Variants in SEMA5A observed in about 807,000 individuals in gnomAD.
SEMA5A encodes the protein semaphorin-5A.
SEMA5A carries 55 observed loss-of-function variants against 135.5 expected under a neutral mutation model. The observed-to-expected ratio is 0.41, with a 90% CI of 0.33 to 0.51. The LOEUF is 0.51. Ranked by LOEUF, SEMA5A falls within the 20% of genes least tolerant of loss-of-function variation. SEMA5A has a pLI of 0.37. For synonymous variants in SEMA5A, 580 were observed against 546.5 expected (o/e 1.06, Z -0.85); for missense variants, 1,290 against 1,419.9 (o/e 0.91, Z 1.47).
chr5:9,272,287 T>C (rs929969548), intron 5 of SEMA5A, among the ~76,000 whole-genome samples: 1 of 152,006 alleles, frequency 6.6e-6, no homozygotes, highest in Non-Finnish European at 1.5e-5. Context: ...CCACCGCAGC[T>C]CAGCAAGGCC....
At chr5:9,215,284 G>T (rs1273213108) in intron 8 of SEMA5A, among the ~76,000 whole-genome samples, 1 of 152,202 alleles carries the variant, frequency 6.6e-6, no homozygotes, top group Admixed American at 6.5e-5. Context: ...GTAAGGCGTT[G>T]TGACTTCAGA....
At chr5:9,297,451 G>A (rs973832425) in intron 5 of SEMA5A, among the ~76,000 whole-genome samples, 1 of 152,112 alleles carries the variant, frequency 6.6e-6, no homozygotes. Context: ...TCAGTCAGTC[G>A]CCACTTCCAC....
chr5:9,402,468 TTC>T (rs1474211072), intron 2 of SEMA5A, among the ~76,000 whole-genome samples: 1 of 152,216 alleles, frequency 6.6e-6, no homozygotes, highest in Non-Finnish European at 1.5e-5. Context: ...TCTTCGGTAA[TTC>T]TCTTTTTTCT....
At chr5:9,109,028 A>ATTTTTTTTTTTTTTTTTT (rs67762219) in intron 15 of SEMA5A, among the ~76,000 whole-genome samples, 8 of 92,444 alleles carry the variant, frequency 8.7e-5, no homozygotes, top group South Asian at 4.4e-4. Context: ...TTTCTCTTCA[A>ATTTTTTTTTTTTTTTTTT]TTTTTTTTTT....
chr5:9,190,852 A>G (rs1745071373), intron 10 of SEMA5A, among the ~76,000 whole-genome samples: 1 of 152,212 alleles, frequency 6.6e-6, no homozygotes, highest in African/African-American at 2.4e-5. Flanking sequence ...TAGGTAGCAA[A>G]TTGAAAATGC....
chr5:9,102,017 A>G (rs1451828664), intron 16 of SEMA5A, among the ~76,000 whole-genome samples: 1 of 152,232 alleles, frequency 6.6e-6, no homozygotes, highest in Non-Finnish European at 1.5e-5. Flanking sequence ...GTGAATAAGA[A>G]GAAAACTTTT....
intron 10 of SEMA5A, among the ~76,000 whole-genome samples, chr5:9,192,987 T>A (rs1428649260): frequency 6.6e-6 from 1 of 151,878 alleles, no homozygotes; most frequent in Non-Finnish European, 1.5e-5. Context: ...GTGGCAGGGG[T>A]GAGGCAGGAT....
chr5:9,130,562 C>T (rs1286959327), intron 13 of SEMA5A, among the ~76,000 whole-genome samples: 2 of 152,186 alleles, frequency 1.3e-5, no homozygotes. Flanking sequence ...CTGAGCCCCA[C>T]CTCTTCCATT....
intron 6 of SEMA5A, among the ~76,000 whole-genome samples, chr5:9,230,709 C>T (rs1199895925): frequency 3.3e-5 from 5 of 152,042 alleles, no homozygotes; most frequent in African/African-American, 7.2e-5. Flanking sequence ...AGGGTGGCCC[C>T]AGCCCTATGG....
At chr5:9,078,225 G>A (rs1738176054) in intron 16 of SEMA5A, among the ~76,000 whole-genome samples, 1 of 152,108 alleles carries the variant, frequency 6.6e-6, no homozygotes, top group African/African-American at 2.4e-5. Flanking sequence ...CTGTCCTTTG[G>A]GAAACGTTTC....
intron 5 of SEMA5A, 136 bp downstream of exon 5, chr5:9,318,236 G>T (rs1050558260): frequency 1.4e-4 from 94 of 694,672 alleles, no homozygotes; most frequent in African/African-American, 1.8e-5. Flanking sequence ...CCTTAGTCCC[G>T]TGGCCTGACC....
At chr5:9,048,518 C>T (rs1026084958) in intron 21 of SEMA5A, among the ~76,000 whole-genome samples, 9 of 152,018 alleles carry the variant, frequency 5.9e-5, no homozygotes, top group Non-Finnish European at 1.2e-4. Context: ...AGCATCTTCA[C>T]TTTTTTCAAC....
chr5:9,044,038 C>T (rs1331766860), intron 22 of SEMA5A, among the ~76,000 whole-genome samples: 1 of 152,126 alleles, frequency 6.6e-6, no homozygotes, highest in Admixed American at 6.5e-5. Flanking sequence ...GTGCTTCATT[C>T]CCCAGATCTA....
chr5:9,392,957 T>C (rs1017061837), intron 2 of SEMA5A, among the ~76,000 whole-genome samples: 10 of 152,232 alleles, frequency 6.6e-5, no homozygotes, highest in African/African-American at 2.2e-4. Context: ...GTCAGCCTAT[T>C]AGGTGAAACT....
At chr5:9,085,941 C>G (rs1460879509) in intron 16 of SEMA5A, among the ~76,000 whole-genome samples, 2 of 152,160 alleles carry the variant, frequency 1.3e-5, no homozygotes, top group East Asian at 3.9e-4. Flanking sequence ...ATCAGTGTGA[C>G]CTGGATGTGA....
intron 3 of SEMA5A, among the ~76,000 whole-genome samples, chr5:9,375,144 C>T (rs529004853): frequency 2.6e-5 from 4 of 152,104 alleles, no homozygotes; most frequent in Non-Finnish European, 5.9e-5. Flanking sequence ...CACATATCAC[C>T]ATCTGGTTTC....
intron 16 of SEMA5A, among the ~76,000 whole-genome samples, chr5:9,097,443 A>G (rs759024302): frequency 1.3e-5 from 2 of 152,230 alleles, no homozygotes; most frequent in Non-Finnish European, 2.9e-5. Context: ...AGCATAGTCA[A>G]TTAAGGAGAT....
chr5:9,319,533 T>C (rs1377137924), intron 4 of SEMA5A, among the ~76,000 whole-genome samples: 1 of 152,144 alleles, frequency 6.6e-6, no homozygotes, highest in Non-Finnish European at 1.5e-5. Flanking sequence ...TACCTCAGTA[T>C]TCTTTGCTTC....
intron 16 of SEMA5A, among the ~76,000 whole-genome samples, chr5:9,099,051 C>T (rs1321108119): frequency 6.6e-6 from 1 of 152,156 alleles, no homozygotes. Context: ...TATTCCAGAT[C>T]TCCATACCAA....
Sources: gnomAD v4.1 joint callset for allele counts (sites outside exome capture counted in the v4.1 genomes callset) on GRCh38, gnomAD v4.1.1 for gene constraint, MANE v1.5 for transcripts, NCBI Gene and HGNC (gene_info 2026-07-23, HGNC 2026-07-21) for gene names.